MAP3K4: variants seen among roughly 807,000 people sequenced by gnomAD.
MAP3K4 encodes the protein MAP three kinase 1.
In MAP3K4, 67 loss-of-function variants were observed where a neutral mutation model predicts 185.6. That is an observed-to-expected ratio of 0.36 (90% CI 0.30 to 0.44). MAP3K4 has a LOEUF of 0.44. Ranked by LOEUF, MAP3K4 falls within the 20% of genes least tolerant of loss-of-function variation. The pLI is 1.00. For synonymous variants in MAP3K4, 702 were observed against 710.4 expected (o/e 0.99, Z 0.19); for missense variants, 1,551 against 1,995.1 (o/e 0.78, Z 4.24).
At chr6:161,032,877 T>C (rs1782995228) in intron 1 of MAP3K4, among the ~76,000 whole-genome samples, 2 of 150,742 alleles carry the variant, frequency 1.3e-5, no homozygotes, top group Admixed American at 6.6e-5. Context: ...GTCTTGTGTG[T>C]ACACATATGT....
chr6:161,090,940 G>T (rs1777274057), intron 11 of MAP3K4, among the ~76,000 whole-genome samples: 1 of 152,188 alleles, frequency 6.6e-6, no homozygotes, highest in Admixed American at 6.5e-5. Flanking sequence ...GAGGGGAGGG[G>T]GAGAAATCTG....
chr6:161,060,843 ACT>A (rs1784455732), intron 3 of MAP3K4, among the ~76,000 whole-genome samples: 2 of 151,916 alleles, frequency 1.3e-5, no homozygotes, highest in Admixed American at 1.3e-4. Context: ...CCGGTCTCAA[ACT>A]CTGACCTCAA....
At chr6:161,081,696 C>T (rs1785466618) in intron 6 of MAP3K4, among the ~76,000 whole-genome samples, 3 of 152,068 alleles carry the variant, frequency 2.0e-5, no homozygotes, top group Admixed American at 1.3e-4. Flanking sequence ...AGCTTGGGAT[C>T]GCTGGGCACA....
Position 161,000,810 on chromosome 6 carries a change from T to C in MAP3K4, c.152+8727T>C, listed in dbSNP as rs545942677. Reference sequence around the variant, plus strand: ...ATATACACACATGTGTACACCCATATATACACACATGTGTATGCACACATA... The same window carrying C: ...ATATACACACATGTGTACACCCATACATACACACATGTGTATGCACACATA... On this transcript the variant is annotated intron_variant, in intron 1 of 26. Transcript: ENST00000392142. Among the ~76,000 whole-genome samples, 536 of 142,184 alleles carry C rather than the reference T, an allele frequency of 3.8e-3. 8 individuals carry two copies. Among genetic ancestry groups the C allele is most frequent in the African/African-American group, 0.015 (501 of 34,544 alleles). 93.3% of individuals were successfully genotyped at this position (142,184 alleles called of 152,430 possible).
Position 161,091,122 on chromosome 6 carries a change from T to C in MAP3K4, c.2974-257T>C, listed in dbSNP as rs1044935373. On this transcript the variant is annotated intron_variant, in intron 11 of 26. Coordinates refer to ENST00000392142, the MANE Select transcript of MAP3K4 (RefSeq NM_005922.4). This position sits in a 1 kb window ranked among gnomAD's most constrained non-coding sequence, Gnocchi z 5.5. ...AACAGGTGGTTGATGTATAAAAATATTGAAGATAAAAGCATCTATTCCAAG... is the reference window on the plus strand; with the variant it reads ...AACAGGTGGTTGATGTATAAAAATACTGAAGATAAAAGCATCTATTCCAAG... Among the ~76,000 whole-genome samples the C allele has an allele frequency of 2.0e-5, 3 of 152,222 alleles. No individual in the cohort carries two copies. Among genetic ancestry groups the C allele is most frequent in the African/African-American group, 4.8e-5 (2 of 41,456 alleles).
rs1053540880 is a variant in MAP3K4 at position 161,101,484 on chromosome 6, A to T, written c.3675-408A>T. 2 of 153,842 alleles carry T rather than the reference A, an allele frequency of 1.3e-5. No individual in the cohort carries two copies. The highest frequency in any genetic ancestry group is 4.8e-5 in the African/African-American group (2 of 41,504). 9.5% of individuals were successfully genotyped at this position (153,842 alleles called of 1,614,324 possible). A position where few individuals can be genotyped will look rare whatever the true frequency, so the allele number is the denominator to read the frequency against. On this transcript the variant is annotated intron_variant, in intron 17 of 26. Transcript: ENST00000392142. The surrounding 1 kb of genome is among the most constrained non-coding windows in gnomAD (Gnocchi z 5.1). ...CTGGGCTTAAGTTATGGAGCTTTTC[A>T]CATGTCAGTAACATTTCAATAGTGT...
At chr6:161,083,837 CG>C (rs989488110) in intron 6 of MAP3K4, among the ~76,000 whole-genome samples, 1 of 152,152 alleles carries the variant, frequency 6.6e-6, no homozygotes, top group African/African-American at 2.4e-5. Context: ...ACTGTGCCTT[CG>C]GGGTTGGTCT....
intron 7 of MAP3K4, among the ~76,000 whole-genome samples, chr6:161,085,361 G>T (rs1166701587): frequency 6.6e-6 from 1 of 152,082 alleles, no homozygotes; most frequent in East Asian, 1.9e-4. Flanking sequence ...ATGAAACTAT[G>T]GTTTTTCTCT....
rs769091837 is a variant in MAP3K4 at position 161,107,936 on chromosome 6, C to T, written c.4086C>T (p.Ser1362=). Residue 1362 remains serine, a synonymous_variant, in exon 21 of 27, where the codon AGC becomes AGT. Transcript: ENST00000392142. The surrounding 1 kb of genome is among the most constrained non-coding windows in gnomAD (Gnocchi z 6.2). ...ATGGGAAGGTGTACACCTGCATCAG[C>T]GTCGACACCGGGGAGCTGATGGCCA... ...GQYGKVYTCI[S]VDTGELMAMK... 14 of 1,613,900 alleles carry T rather than the reference C, an allele frequency of 8.7e-6. No homozygotes were observed. The highest frequency in any genetic ancestry group is 4.0e-5 in the African/African-American group (3 of 74,924).
rs1211591069 is a variant in MAP3K4 at position 161,043,776 on chromosome 6, G to T, written c.344-4840G>T. Among the ~76,000 whole-genome samples, 1 of 152,132 alleles carries T rather than the reference G, an allele frequency of 6.6e-6. No individual in the cohort carries two copies. The highest frequency in any genetic ancestry group is 2.1e-4 in the South Asian group (1 of 4,830). On this transcript the variant is annotated intron_variant, in intron 2 of 26. Coordinates refer to ENST00000392142, the MANE Select transcript of MAP3K4 (RefSeq NM_005922.4). The surrounding 1 kb of genome is among the most constrained non-coding windows in gnomAD (Gnocchi z 4.3). ...CTAGATGATCTCTAAGTCCCTTCAG[G>T]TTGCTGACTTGTCTGGTATTCTAGT...
intron 18 of MAP3K4, among the ~76,000 whole-genome samples, chr6:161,102,409 A>G (rs1777876877): frequency 6.6e-6 from 1 of 152,174 alleles, no homozygotes; most frequent in South Asian, 2.1e-4. Context: ...TGAAGCTAAC[A>G]TCTTGAATGA....
rs770605597 is a variant in MAP3K4 at position 161,037,743 on chromosome 6, C to T, written c.343+3294C>T. ...GTAAAGTCAGGATTTCTTCCCAACA[C>T]TTACTACTTTTTTTCTTGACTTAAA... On this transcript the variant is annotated intron_variant, in intron 2 of 26. Transcript: ENST00000392142. The surrounding 1 kb of genome is among the most constrained non-coding windows in gnomAD (Gnocchi z 4.2). Among the ~76,000 whole-genome samples, 26 of 152,136 alleles carry T rather than the reference C, an allele frequency of 1.7e-4. No homozygotes were observed. Among genetic ancestry groups the T allele is most frequent in the Non-Finnish European group, 2.8e-4 (19 of 68,022 alleles).
rs6929462 is a variant in MAP3K4, at chr6:161,022,707, T to C, written c.153-11552T>C. Among the ~76,000 whole-genome samples the C allele has an allele frequency of 0.91, 138,067 of 152,158 alleles. 62,821 individuals carry two copies. The highest frequency in any genetic ancestry group is 0.99 in the East Asian group (5,134 of 5,168). The stretch of plus-strand genomic sequence containing the variant: ...GCCATCCTTTTCCCTACTCTGGGGC[T>C]CAGGAATTATGCTAGTACCTGTAGG... On this transcript the variant is annotated intron_variant, in intron 1 of 26. Transcript: ENST00000392142. This position sits in a 1 kb window ranked among gnomAD's most constrained non-coding sequence, Gnocchi z 4.2.
At position 161,110,213 on chromosome 6, in the gene MAP3K4, G is replaced by A. The variant is rs1008515125; in HGVS notation, c.4396+299G>A. On this transcript the variant is annotated intron_variant, in intron 23 of 26. Transcript: ENST00000392142. This position sits in a 1 kb window ranked among gnomAD's most constrained non-coding sequence, Gnocchi z 4.8. ...TAGCCCGTGTACTTACCAGACATTCGTGATCAAAGCAACCTTTTTTTTCTC... is the reference window on the plus strand; with the variant it reads ...TAGCCCGTGTACTTACCAGACATTCATGATCAAAGCAACCTTTTTTTTCTC... Among the ~76,000 whole-genome samples, 2 of 152,100 alleles carry A rather than the reference G, an allele frequency of 1.3e-5. No individual in the cohort carries two copies. The highest frequency in any genetic ancestry group is 4.8e-5 in the African/African-American group (2 of 41,388).
Position 161,109,137 on chromosome 6 carries a change from T to C in MAP3K4, c.4236+278T>C, listed in dbSNP as rs1349523248. On this transcript the variant is annotated intron_variant, in intron 22 of 26. Transcript: ENST00000392142. This position sits in a 1 kb window ranked among gnomAD's most constrained non-coding sequence, Gnocchi z 5.7. ...TCTTCTAAAACGCCCCTTACACCAC[T>C]TCTTGTGACTTTTTTTCCGTTTTTT... The C allele has an allele frequency of 6.4e-6, 5 of 776,726 alleles. No homozygotes were observed. Among genetic ancestry groups the C allele is most frequent in the Non-Finnish European group, 1.0e-5 (5 of 491,508 alleles). The allele number at this position is 776,726 out of a possible 1,614,324, so 48.1% of individuals were successfully genotyped here.
Position 161,098,428 on chromosome 6 carries a change from G to C in MAP3K4, c.3674+1G>C. 1 of 1,612,478 alleles carries C rather than the reference G, an allele frequency of 6.2e-7. No individual in the cohort carries two copies. The highest frequency in any genetic ancestry group is 8.5e-7 in the Non-Finnish European group (1 of 1,179,042). ...CCATCAGCAGTGCCCATGATACCAG[G>C]TAGTCTCACCCCACCAGTGTCCCGT... On this transcript the variant is annotated splice_donor_variant, in intron 17 of 26. Coordinates refer to ENST00000392142, the MANE Select transcript of MAP3K4 (RefSeq NM_005922.4). LOFTEE classifies it high-confidence loss of function. The surrounding 1 kb of genome is among the most constrained non-coding windows in gnomAD (Gnocchi z 4.4).
rs547572939 is a variant in MAP3K4 at position 161,069,566 on chromosome 6, G to T, written c.1708-1042G>T. 1.4e-4 allele frequency among the ~76,000 whole-genome samples: 22 copies of T among 152,232 alleles called. No individual in the cohort carries two copies. In the South Asian group the frequency reaches 4.6e-3, roughly 32 times the overall value. On this transcript the variant is annotated intron_variant, in intron 3 of 26. Transcript: ENST00000392142. The stretch of plus-strand genomic sequence containing the variant: ...AGCTCAAGTTGTTTGGGCCATATTT[G>T]GTAGATGAGCAGGTCGGGGGCAGCA...
Position 160,996,297 on chromosome 6 carries a change from A to C in MAP3K4, c.152+4214A>C, listed in dbSNP as rs756211444. ...TGATGGCAGAAACTTCATGTTTTCA[A>C]CTGGGGACTTGTCACTTAGGAGGAC... On this transcript the variant is annotated intron_variant, in intron 1 of 26. Coordinates refer to ENST00000392142, the MANE Select transcript of MAP3K4 (RefSeq NM_005922.4). This position sits in a 1 kb window ranked among gnomAD's most constrained non-coding sequence, Gnocchi z 4.5. 2.0e-5 allele frequency among the ~76,000 whole-genome samples: 3 copies of C among 152,166 alleles called. No homozygotes were observed. Among genetic ancestry groups the C allele is most frequent in the Admixed American group, 6.5e-5 (1 of 15,288 alleles).
chr6:161,071,996 G>A lies in MAP3K4; in HGVS notation c.1950+1146G>A, dbSNP rs938110991. Reference sequence around the variant, plus strand: ...TGAGGACTAAATAGTAATGTATGTTGTAATACTTTGAAAAATAAAAACAAT... The same window carrying A: ...TGAGGACTAAATAGTAATGTATGTTATAATACTTTGAAAAATAAAAACAAT... On this transcript the variant is annotated intron_variant, in intron 4 of 26. Transcript: ENST00000392142. The surrounding 1 kb of genome is among the most constrained non-coding windows in gnomAD (Gnocchi z 4.6). 6.6e-6 allele frequency among the ~76,000 whole-genome samples: 1 copy of A among 152,170 alleles called. No individual in the cohort carries two copies. Among genetic ancestry groups the A allele is most frequent in the Non-Finnish European group, 1.5e-5 (1 of 68,026 alleles).
Sources: gnomAD v4.1 joint callset for allele counts (sites outside exome capture counted in the v4.1 genomes callset) on GRCh38, gnomAD v4.1.1 for gene constraint, Gnocchi (gnomAD v3.1) non-coding constraint, MANE v1.5 for transcripts, NCBI Gene and HGNC (gene_info 2026-07-23, HGNC 2026-07-21) for gene names.